The following IFT52 variants were observed in gnomAD, a reference collection of about 807,000 sequenced individuals.
IFT52 encodes the protein intraflagellar transport 52.
IFT52 carries 44 observed loss-of-function variants against 54.4 expected under a neutral mutation model. The observed-to-expected ratio is 0.81, with a 90% confidence interval of 0.63 to 1.04. The LOEUF (loss-of-function observed/expected upper bound fraction) is 1.04. Ranked by LOEUF, IFT52 falls within the 50% of genes least tolerant of loss-of-function variation. IFT52 has a pLI of 0.00. For synonymous variants in IFT52, 181 were observed against 185.3 expected (o/e 0.98, Z 0.19); for missense variants, 452 against 523.6 (o/e 0.86, Z 1.33).
At position 43,637,254 on chromosome 20, in the gene IFT52, G is replaced by A; in HGVS notation, c.1120+1G>A. On this transcript the variant is annotated splice_donor_variant, in intron 12 of 13. Transcript: ENST00000373030. LOFTEE classifies it high-confidence loss of function. ...CGGCTGGCTCAGATTACCAATAAGTGTAAGTTTGGCGAACTTTTTTTTTTT... is the reference window on the plus strand; with the variant it reads ...CGGCTGGCTCAGATTACCAATAAGTATAAGTTTGGCGAACTTTTTTTTTTT... 6.5e-7 allele frequency: 1 copy of A among 1,537,230 alleles called. No homozygotes were observed. Among genetic ancestry groups the A allele is most frequent in the Non-Finnish European group, 8.7e-7 (1 of 1,143,554 alleles).
intron 3 of IFT52, among the ~76,000 whole-genome samples, chr20:43,597,274 G>A (rs1441680780): frequency 6.6e-6 from 1 of 151,570 alleles, no homozygotes; most frequent in Admixed American, 6.6e-5. Context: ...GAGAGGCTGA[G>A]GCAGGAGAAT....
intron 12 of IFT52, among the ~76,000 whole-genome samples, chr20:43,641,854 C>T (rs544401757): frequency 9.2e-5 from 14 of 151,770 alleles, no homozygotes; most frequent in South Asian, 8.3e-4. Flanking sequence ...AGTGCAGTGG[C>T]GCAATCTCTG....
At position 43,609,284 on chromosome 20, in the gene IFT52, A is replaced by G. The variant is rs373719028; in HGVS notation, c.485+4211A>G. Reference sequence around the variant, plus strand: ...GTCATAGTTCAGAAATAGTTTTAAAAAAATAAATAATACAGATTAAAATTA... The same window carrying G: ...GTCATAGTTCAGAAATAGTTTTAAAGAAATAAATAATACAGATTAAAATTA... On this transcript the variant is annotated intron_variant, in intron 6 of 13. Transcript: ENST00000373030. Among the ~76,000 whole-genome samples, 241 of 152,296 alleles carry G rather than the reference A, an allele frequency of 1.6e-3. 2 individuals are homozygous for G. The highest frequency in any genetic ancestry group is 0.015 in the South Asian group (70 of 4,826).
intron 2 of IFT52, 130 bp downstream of exon 2, chr20:43,594,947 A>C: frequency 1.5e-6 from 1 of 663,870 alleles, no homozygotes; most frequent in Non-Finnish European, 2.7e-6. Flanking sequence ...ATTATTCAGA[A>C]TTAGGTCTGG....
intron 6 of IFT52, among the ~76,000 whole-genome samples, chr20:43,607,531 G>T (rs1297666968): frequency 2.7e-5 from 4 of 150,640 alleles, no homozygotes; most frequent in Non-Finnish European, 5.9e-5. Context: ...CATCCCAGAC[G>T]GGGCGGCGTG....
intron 6 of IFT52, 26 bp downstream of exon 6, chr20:43,605,099 G>A (rs751197783): frequency 2.5e-6 from 4 of 1,610,126 alleles, no homozygotes; most frequent in Non-Finnish European, 3.4e-6. Flanking sequence ...GATGCCACAT[G>A]AGGAAGATGT....
chr20:43,639,801 C>CA (rs1322229544), intron 12 of IFT52, among the ~76,000 whole-genome samples: 1 of 151,644 alleles, frequency 6.6e-6, no homozygotes, highest in African/African-American at 2.4e-5. Flanking sequence ...ATACACCTTG[C>CA]ACTCCAGCCT....
At position 43,643,765 on chromosome 20, in the gene IFT52, A is replaced by G; in HGVS notation, c.1266+1141A>G. On this transcript the variant is annotated intron_variant, in intron 13 of 13. Coordinates refer to ENST00000373030, the MANE Select transcript of IFT52 (RefSeq NM_016004.5). Reference sequence around the variant, plus strand: ...CCAGTGTGACAAGAGAACAGAGGAAAGGACAGAGCAGTAGAACATGAGGTG... The same window carrying G: ...CCAGTGTGACAAGAGAACAGAGGAAGGGACAGAGCAGTAGAACATGAGGTG... Among the ~76,000 whole-genome samples the G allele has an allele frequency of 6.9e-5, 4 of 58,274 alleles. 2 individuals are homozygous for G. Among genetic ancestry groups the G allele is most frequent in the Non-Finnish European group, 8.2e-5 (2 of 24,260 alleles). The allele number at this position is 58,274 out of a possible 152,430, so 38.2% of individuals were successfully genotyped here.
At chr20:43,598,706 A>T (rs546756392) in intron 3 of IFT52, among the ~76,000 whole-genome samples, 10 of 152,324 alleles carry the variant, frequency 6.6e-5, no homozygotes, top group African/African-American at 2.4e-4. Flanking sequence ...AAAAACAAAC[A>T]AACAAAAAAC....
At chr20:43,624,869 C>A (rs1199631150) in intron 10 of IFT52, among the ~76,000 whole-genome samples, 1 of 152,116 alleles carries the variant, frequency 6.6e-6, no homozygotes, top group Non-Finnish European at 1.5e-5. Flanking sequence ...AGAGCAAGAG[C>A]CATGTCTTAT....
chr20:43,626,786 CAAAGTGTTA>C (rs1264022613), intron 10 of IFT52, among the ~76,000 whole-genome samples: 3 of 73,838 alleles, frequency 4.1e-5, no homozygotes, highest in African/African-American at 1.1e-4. Context: ...GATGAGCTCA[CAAAGTGTTA>C]AAAGTGTTGA....
chr20:43,624,128 A>G, intron 10 of IFT52, 83 bp downstream of exon 10: 1 of 1,401,712 alleles, frequency 7.1e-7, no homozygotes, highest in South Asian at 1.2e-5. Flanking sequence ...AACGGGAATT[A>G]GGGTCACAGT....
chr20:43,628,513 G>A (rs1393965575), intron 10 of IFT52, among the ~76,000 whole-genome samples: 1 of 152,136 alleles, frequency 6.6e-6, no homozygotes, highest in Non-Finnish European at 1.5e-5. Context: ...AAGTTCTCAG[G>A]GCTTCAGTCC....
rs144918805 is a variant in IFT52, at chr20:43,635,989, G to A, written c.987G>A (p.Thr329=). 12 of 1,614,020 alleles carry A rather than the reference G, an allele frequency of 7.4e-6. No homozygotes were observed. The highest frequency in any genetic ancestry group is 4.5e-5 in the East Asian group (2 of 44,894). The change falls in exon 11 of 14, where the codon ACG becomes ACA. Residue 329 remains threonine, a synonymous_variant. Coordinates refer to ENST00000373030, the MANE Select transcript of IFT52 (RefSeq NM_016004.5). ...PLQLIQPQFE[T]PLPTLQPAVF... Reference sequence around the variant, plus strand: ...AGCTCATCCAGCCTCAGTTTGAGACGCCGCTGCCAACCCTTCAGCCTGCGG... The same window carrying A: ...AGCTCATCCAGCCTCAGTTTGAGACACCGCTGCCAACCCTTCAGCCTGCGG...
chr20:43,596,736 C>CTTTTTTTTTTTTTTTTTTTTTTTTTTTTT (rs59960911), intron 3 of IFT52, among the ~76,000 whole-genome samples: 1 of 75,910 alleles, frequency 1.3e-5, no homozygotes. Flanking sequence ...AGCCACACTT[C>CTTTTTTTTTTTTTTTTTTTTTTTTTTTTT]TTTTTTTTTT....
At chr20:43,596,359 A>T in intron 2 of IFT52, 76 bp from the exon 3 acceptor site, 2 of 922,166 alleles carry the variant, frequency 2.2e-6, no homozygotes, top group Non-Finnish European at 3.4e-6. Context: ...GCTTCCAAAT[A>T]GTTAAGAGAC....
rs942207546 is a variant in IFT52 at position 43,605,727 on chromosome 20, C to T, written c.485+654C>T. On this transcript the variant is annotated intron_variant, in intron 6 of 13. Coordinates refer to ENST00000373030, the MANE Select transcript of IFT52 (RefSeq NM_016004.5). The stretch of plus-strand genomic sequence containing the variant: ...ATAATGTTTTTCTTTAATAATACCA[C>T]CTAATGTTTGTCAAGCATCGACTGT... 3.3e-4 allele frequency among the ~76,000 whole-genome samples: 50 copies of T among 152,210 alleles called. 1 individual carries two copies. The highest frequency in any genetic ancestry group is 6.6e-4 in the Non-Finnish European group (45 of 68,002).
chr20:43,603,623 T>C, intron 3 of IFT52, 137 bp from the exon 4 acceptor site: 6 of 740,510 alleles, frequency 8.1e-6, no homozygotes, highest in Non-Finnish European at 1.3e-5. Flanking sequence ...AGAGTACTTT[T>C]TATCTTATAT....
intron 9 of IFT52, among the ~76,000 whole-genome samples, chr20:43,622,143 C>G (rs1053488301): frequency 6.6e-6 from 1 of 152,126 alleles, no homozygotes; most frequent in East Asian, 1.9e-4. Flanking sequence ...AGAAGACAGT[C>G]GAAGATGGCT....
Sources: gnomAD v4.1 joint callset for allele counts (sites outside exome capture counted in the v4.1 genomes callset) on GRCh38, gnomAD v4.1.1 for gene constraint, MANE v1.5 for transcripts, NCBI Gene and HGNC (gene_info 2026-07-23, HGNC 2026-07-21) for gene names.